The following ZNF600 variants were observed in gnomAD, a reference collection of about 807,000 sequenced individuals.
The protein encoded by ZNF600 is zinc finger protein KR-ZNF1.
In ZNF600, 4 loss-of-function variants were observed where a neutral mutation model predicts 7.3. The ratio of observed to expected loss-of-function variants is 0.55; its 90% CI spans 0.27 to 1.25. The LOEUF (loss-of-function observed/expected upper bound fraction) is 1.25, where lower values mean the gene tolerates loss of function less well. Ranked by LOEUF, ZNF600 falls within the 50% of genes most tolerant of loss-of-function variation. ZNF600 has a pLI of 0.12. For missense variants in ZNF600, 911 were observed against 922.1 expected, an observed-to-expected ratio of 0.99 and a Z score of 0.16; for synonymous variants, 290 against 308.9, an observed-to-expected ratio of 0.94 and a Z score of 0.64.
exon 4 of ZNF600, chr19:52,767,614 A>C (rs1365428227): frequency 6.2e-7 from 1 of 1,613,984 alleles, no homozygotes; most frequent in Non-Finnish European, 8.5e-7. Context: ...TCTTCTTGAC[A>C]CTGAAACTCA....
At chr19:52,782,847 C>A (rs142776673) in intron 1 of ZNF600, among the ~76,000 whole-genome samples, 88 of 151,908 alleles carry the variant, frequency 5.8e-4, no homozygotes, top group African/African-American at 2.0e-3. Flanking sequence ...TGCACTCCAG[C>A]CTGCATGACA....
the ZNF600 span, among the ~76,000 whole-genome samples, chr19:52,832,447 TAGTC>T: frequency 1.3e-5 from 2 of 151,494 alleles, no homozygotes; most frequent in South Asian, 4.2e-4. Context: ...ACAGAAAAAT[TAGTC>T]AGGCAAGGTG....
At chr19:52,781,094 G>A (rs28516528) in intron 1 of ZNF600, 39 bp from the exon 3 acceptor site, 25,949 of 151,878 alleles carry the variant, frequency 0.17, 2,469 homozygotes, top group Admixed American at 0.25. Context: ...GGTTAAAGCT[G>A]TGAGATGATA....
At chr19:52,779,951 G>A (rs2147555568) in intron 1 of ZNF600, among the ~76,000 whole-genome samples, 1 of 152,232 alleles carries the variant, frequency 6.6e-6, no homozygotes, top group South Asian at 2.1e-4. Flanking sequence ...AGGAGGCAGA[G>A]GTTGCAGTGA....
the ZNF600 span, among the ~76,000 whole-genome samples, chr19:52,828,352 G>A: frequency 6.6e-6 from 1 of 152,112 alleles, no homozygotes; most frequent in Non-Finnish European, 1.5e-5. Flanking sequence ...GCACCCGGTG[G>A]CACTTTGTGA....
the ZNF600 span, among the ~76,000 whole-genome samples, chr19:52,817,063 T>G: frequency 3.6e-3 from 551 of 152,170 alleles, 4 homozygotes; most frequent in African/African-American, 0.013. Context: ...TTACATTGAT[T>G]TCATGTTCTT....
chr19:52,786,745 C>T (rs955363339), exon 1 of ZNF600: 11 of 385,360 alleles, frequency 2.9e-5, no homozygotes, highest in Non-Finnish European at 5.4e-5. Context: ...CGTGGTAGGA[C>T]CTTCACTCCA....
intron 2 of ZNF600, among the ~76,000 whole-genome samples, chr19:52,778,443 A>G (rs1356588195): frequency 6.6e-6 from 1 of 152,156 alleles, no homozygotes; most frequent in African/African-American, 2.4e-5. Flanking sequence ...AATTTACTAG[A>G]TATCTGTGTA....
At chr19:52,800,460 G>A in the ZNF600 span, 10 of 1,613,652 alleles carry the variant, frequency 6.2e-6, no homozygotes, top group Non-Finnish European at 6.8e-6. Flanking sequence ...TTTCTCTGCA[G>A]TATGAAGTCT....
the ZNF600 span, among the ~76,000 whole-genome samples, chr19:52,792,631 C>T: frequency 0.086 from 13,133 of 152,248 alleles, 955 homozygotes; most frequent in South Asian, 0.19. Context: ...ACCCTCGCTG[C>T]TTCAAGTCCT....
the ZNF600 span, chr19:52,801,220 G>A: frequency 6.4e-5 from 103 of 1,614,020 alleles, 1 homozygote; most frequent in South Asian, 1.1e-3. Context: ...TCTCTCATGT[G>A]TACATTCCGT....
At chr19:52,798,630 T>C in the ZNF600 span, 1 of 382,792 alleles carries the variant, frequency 2.6e-6, no homozygotes, top group South Asian at 2.0e-5. Context: ...TGAATCCTCC[T>C]ATGTTTTGCA....
At chr19:52,812,355 C>T in the ZNF600 span, among the ~76,000 whole-genome samples, 2 of 141,244 alleles carry the variant, frequency 1.4e-5, no homozygotes, top group Admixed American at 6.9e-5. Flanking sequence ...ATTGAGAAAT[C>T]GGATGATTGC....
chr19:52,821,327 A>C, the ZNF600 span, among the ~76,000 whole-genome samples: 3,196 of 150,874 alleles, frequency 0.021, 55 homozygotes, highest in South Asian at 0.054. Context: ...AGTCAAAAAA[A>C]GGTTTTGAGC....
exon 4 of ZNF600, chr19:52,765,925 T>C: frequency 6.2e-7 from 1 of 1,614,184 alleles, no homozygotes; most frequent in Non-Finnish European, 8.5e-7. Context: ...TCATTACACT[T>C]GTAAGGTTTC....
At chr19:52,767,268 T>C in exon 4 of ZNF600, 1 of 1,614,222 alleles carries the variant, frequency 6.2e-7, no homozygotes, top group South Asian at 1.1e-5. Flanking sequence ...CTCATTACAT[T>C]GGAAAGATTT....
At chr19:52,768,494 T>G (rs1347536908) in intron 3 of ZNF600, among the ~76,000 whole-genome samples, 2 of 151,856 alleles carry the variant, frequency 1.3e-5, no homozygotes, top group Admixed American at 1.3e-4. Context: ...TCAATAAATG[T>G]CATAAAATTA....
chr19:52,790,614 GTAAACTC>G (rs2062788652), upstream of ZNF600, among the ~76,000 whole-genome samples: 1 of 150,836 alleles, frequency 6.6e-6, no homozygotes, highest in Non-Finnish European at 1.5e-5. Flanking sequence ...TCAGGCTGCT[GTAAACTC>G]TAAATTGTGC....
At chr19:52,810,199 T>C in the ZNF600 span, 1 of 1,051,434 alleles carries the variant, frequency 9.5e-7, no homozygotes, top group Non-Finnish European at 1.5e-6. Context: ...GCTGAGAAGC[T>C]AAAGGAGCTA....
Sources: allele counts gnomAD v4.1 joint callset (sites outside exome capture counted in the v4.1 genomes callset), GRCh38; gene constraint gnomAD v4.1.1; transcripts MANE v1.5; gene names NCBI Gene and HGNC (gene_info 2026-07-23, HGNC 2026-07-21).